IFT172: variants seen among roughly 807,000 people sequenced by gnomAD.
IFT172 encodes the protein intraflagellar transport 172.
IFT172 carries 164 observed loss-of-function variants against 248.9 expected under a neutral mutation model. The observed-to-expected ratio is 0.66, with a 90% CI of 0.58 to 0.75. The LOEUF (loss-of-function observed/expected upper bound fraction) is 0.75, where lower values mean the gene tolerates loss of function less well. IFT172 is among the 30% of genes least tolerant of loss of function. IFT172 has a pLI of 0.00. For missense variants in IFT172, 1,950 were observed against 2,192.4 expected (o/e 0.89, Z 2.21); for synonymous variants, 729 against 791.6 (o/e 0.92, Z 1.33).
chr2:27,483,501 A>G (rs1428961704), intron 6 of IFT172, 79 bp downstream of exon 6: 1 of 1,498,864 alleles, frequency 6.7e-7, no homozygotes, highest in Admixed American at 1.7e-5. Flanking sequence ...CTTTCATACT[A>G]TGGTCTTGCA....
intron 16 of IFT172, among the ~76,000 whole-genome samples, chr2:27,470,628 T>TCTTCTGATAGAA (rs1667491934): frequency 1.3e-5 from 2 of 152,246 alleles, no homozygotes; most frequent in East Asian, 1.9e-4. Flanking sequence ...TAGAAGGAGA[T>TCTTCTGATAGAA]GACATTAGAA....
In IFT172 at chr2:27,453,504, C is replaced by T. The variant is rs1221260807; in HGVS notation, c.3831G>A (p.Glu1277=). Residue 1277 remains glutamate, a synonymous_variant, in exon 35 of 48, where the codon GAG becomes GAA. Coordinates refer to ENST00000260570, the MANE Select transcript of IFT172 (RefSeq NM_015662.3). ...EATKKGARGV[E]GFVEQARHWE... is the part of the protein sequence containing the mutation. ...AGTGTCGAGCTTGTTCCACAAATCC[C>T]TCCACACCCCTGTGGAGATGAGAGC... The T allele has an allele frequency of 6.8e-6, 11 of 1,614,156 alleles. No homozygotes were observed. The highest frequency in any genetic ancestry group is 2.2e-5 in the East Asian group (1 of 44,886).
Position 27,461,330 on chromosome 2 carries a change from G to A in IFT172, c.2381C>T (p.Ala794Val). ...GATGTGTTCTACCAGCTCTGTGTTGGCTAGCAGTTCCTCTCGGGTCAGCAC... is the reference window on the plus strand; with the variant it reads ...GATGTGTTCTACCAGCTCTGTGTTGACTAGCAGTTCCTCTCGGGTCAGCAC... ...RLVLTREELLANTELVEHITA... is the reference protein window; with the variant it reads ...RLVLTREELLVNTELVEHITA... Residue 794 changes from alanine to valine, a missense_variant, in exon 22 of 48, where the codon GCC becomes GTC. Transcript: ENST00000260570. 1.2e-6 allele frequency: 2 copies of A among 1,614,124 alleles called. No individual in the cohort carries two copies.
intron 30 of IFT172, chr2:27,455,150 G>A (rs1273493413): frequency 2.2e-5 from 6 of 274,664 alleles, no homozygotes; most frequent in South Asian, 1.1e-4. Flanking sequence ...TTTCTGCACC[G>A]CCGCAATAGT....
chr2:27,465,564 G>T (rs1480410936), intron 17 of IFT172, 46 bp from the exon 18 acceptor site: 2 of 1,591,644 alleles, frequency 1.3e-6, no homozygotes, highest in Middle Eastern at 1.7e-4. Flanking sequence ...GAATGGGTTA[G>T]GAAGATACAG....
intron 6 of IFT172, 24 bp from the exon 7 acceptor site, chr2:27,483,400 A>G: frequency 6.6e-7 from 1 of 1,510,700 alleles, no homozygotes; most frequent in Non-Finnish European, 9.2e-7. Flanking sequence ...AAGGAGAGAA[A>G]TACAGGAAGA....
Position 27,463,102 on chromosome 2 carries a change from C to T in IFT172, c.2017G>A (p.Glu673Lys). The T allele has an allele frequency of 6.2e-7, 1 of 1,614,010 alleles. No individual in the cohort carries two copies. Among genetic ancestry groups the T allele is most frequent in the Non-Finnish European group, 8.5e-7 (1 of 1,179,932 alleles). ...TNEIADQVSR[E>K]YGGEGTDFYQ... ...ATCAGGAGCATAATACTTGCATATT[C>T]CCGGGATACTTGATCTGCAATCTCA... is the stretch of plus-strand genomic sequence containing the variant. The change falls in exon 19 of 48, where the codon GAA becomes AAA. Residue 673 changes from glutamate to lysine, a missense_variant. By Grantham distance (56) the Glu-to-Lys change is moderately conservative (BLOSUM62 1). This residue lies in a region of IFT172 where 1,166 missense variants were observed against 1,254.1 expected (regional missense o/e 0.93). Coordinates refer to ENST00000260570, the MANE Select transcript of IFT172 (RefSeq NM_015662.3).
At chr2:27,457,031 C>T (rs560231778) in intron 29 of IFT172, among the ~76,000 whole-genome samples, 3 of 151,480 alleles carry the variant, frequency 2.0e-5, no homozygotes, top group Non-Finnish European at 4.4e-5. Context: ...GGTGACAGAG[C>T]GAAACTCCAT....
rs1399361067 is a variant in IFT172, at chr2:27,447,535, C to A, written c.4639G>T (p.Ala1547Ser). 1 of 1,614,122 alleles carries A rather than the reference C, an allele frequency of 6.2e-7. No homozygotes were observed. The highest frequency in any genetic ancestry group is 1.1e-5 in the South Asian group (1 of 91,078). ...CTCACCAGCTGTTTGACACTCTGGG[C>A]TGCAGAGCGCGTGGCATAGTAATGA... ...IAHYYATRSAAQSVKQLETVA... is the reference protein window; with the variant it reads ...IAHYYATRSASQSVKQLETVA... The change falls in exon 42 of 48, where the codon GCC (alanine) becomes TCC (serine). Residue 1547 changes from alanine (A) to serine (S), a missense_variant. By Grantham distance (99) the Ala-to-Ser change is moderately conservative. This residue lies in a region of IFT172 where 620 missense variants were observed against 699.0 expected (regional missense o/e 0.89). Transcript: ENST00000260570.
At chr2:27,448,163 G>C (rs1665335146) in intron 40 of IFT172, among the ~76,000 whole-genome samples, 1 of 152,116 alleles carries the variant, frequency 6.6e-6, no homozygotes, top group Non-Finnish European at 1.5e-5. Context: ...GCAGTAGCAT[G>C]ATCTCGGCTC....
At position 27,472,204 on chromosome 2, in the gene IFT172, C is replaced by T. The variant is rs907005301; in HGVS notation, c.1524+46G>A. 3 of 1,391,754 alleles carry T rather than the reference C, an allele frequency of 2.2e-6. No individual in the cohort carries two copies. In the African/African-American group the frequency reaches 4.2e-5, roughly 20 times the overall value. 86.2% of individuals were successfully genotyped at this position (1,391,754 alleles called of 1,614,324 possible). On this transcript the variant is annotated intron_variant, in intron 15 of 47. Coordinates refer to ENST00000260570, the MANE Select transcript of IFT172 (RefSeq NM_015662.3). The stretch of plus-strand genomic sequence containing the variant: ...TCCCTGGTGGCAGCTTGTCTCACAC[C>T]CTCTGTGGGCCAGCCAATGCCTAAG...
intron 24 of IFT172, 21 bp from the exon 25 acceptor site, chr2:27,459,543 A>G: frequency 6.2e-7 from 1 of 1,613,446 alleles, no homozygotes; most frequent in Non-Finnish European, 8.5e-7. Context: ...TGGGAAAGAT[A>G]TAAATATGTA....
At position 27,470,931 on chromosome 2, in the gene IFT172, A is replaced by C. The variant is rs1667517739; in HGVS notation, c.1689T>G (p.Ile563Met). The stretch of plus-strand genomic sequence containing the variant: ...GGGCCCCTAGTGTCCAACATACCCT[A>C]ATAGTGAACATGGTGACTCTCTCAG... ...EAPERVTMFT[I>M]RGDVIGLERG... The change falls in exon 16 of 48, where the codon ATT (isoleucine) becomes ATG (methionine). Residue 563 changes from isoleucine (I) to methionine (M), a missense_variant. By Grantham distance (10) the Ile-to-Met change is conservative (BLOSUM62 1). Around this residue, in one of 3 missense-constraint regions of IFT172, gnomAD observed 1,166 missense variants for 1,254.1 expected, o/e 0.93. Transcript: ENST00000260570. The C allele has an allele frequency of 6.2e-7, 1 of 1,602,762 alleles. No individual in the cohort carries two copies. The highest frequency in any genetic ancestry group is 8.5e-7 in the Non-Finnish European group (1 of 1,175,990).
chr2:27,450,417 G>T (rs1402392854), intron 35 of IFT172, among the ~76,000 whole-genome samples: 1 of 152,154 alleles, frequency 6.6e-6, no homozygotes, highest in Non-Finnish European at 1.5e-5. Flanking sequence ...CTTCGTAGCA[G>T]AGTACAGAGA....
Position 27,454,203 on chromosome 2 carries a change from C to A in IFT172, c.3531-41G>T, listed in dbSNP as rs554241475. The A allele has an allele frequency of 1.1e-5, 17 of 1,604,188 alleles. No homozygotes were observed. In the South Asian group the frequency reaches 1.4e-4, roughly 14 times the overall value. On this transcript the variant is annotated intron_variant, in intron 32 of 47. Transcript: ENST00000260570. This position sits in a 1 kb window ranked among gnomAD's most constrained non-coding sequence, Gnocchi z 4.2. ...GACAGAGGAGAGACTGAGTATAGGA[C>A]TGAGGCCCCAATAGTGGGAGACAAA... is the stretch of plus-strand genomic sequence containing the variant.
intron 16 of IFT172, among the ~76,000 whole-genome samples, chr2:27,468,848 C>CAAA (rs563611084): frequency 1.7e-5 from 1 of 60,302 alleles, no homozygotes; most frequent in Non-Finnish European, 3.3e-5. Context: ...CACTCCGTCT[C>CAAA]AAAAAAAAAA....
chr2:27,449,543 G>A lies in IFT172; in HGVS notation c.4180C>T (p.Gln1394Ter). The A allele has an allele frequency of 6.2e-7, 1 of 1,614,078 alleles. No individual in the cohort carries two copies. The highest frequency in any genetic ancestry group is 8.5e-7 in the Non-Finnish European group (1 of 1,180,024). Residue 1394 changes from glutamine (Q) to a stop codon, truncating the protein, a stop_gained, in exon 38 of 48, where the codon CAG (glutamine) becomes TAG (stop). Transcript: ENST00000260570. LOFTEE classifies it high-confidence loss of function. ...TTCTTGAGGAACTCTTTATAATGCT[G>A]GTCCACATAGTCTTCATACCTGTGA... ...LDPRYEDYVDQHYKEFLKNQG... is the reference protein window; with the variant it reads ...LDPRYEDYVD
chr2:27,483,770 C>T, intron 5 of IFT172, 102 bp downstream of exon 5: 1 of 1,436,988 alleles, frequency 7.0e-7, no homozygotes, highest in African/African-American at 1.4e-5. Flanking sequence ...GCATTCTCCC[C>T]AGTACGCAAC....
intron 25 of IFT172, 167 bp from the exon 26 acceptor site, chr2:27,459,035 AAAAG>A (rs894627638): frequency 4.1e-6 from 3 of 734,672 alleles, no homozygotes; most frequent in Non-Finnish European, 6.4e-6. Context: ...CTACCATTTA[AAAAG>A]AAAGACCAGC....
Sources: gnomAD v4.1 joint callset for allele counts (sites outside exome capture counted in the v4.1 genomes callset) on GRCh38, gnomAD v4.1.1 for gene constraint, gnomAD v4.1.1 regional missense constraint, Gnocchi (gnomAD v3.1) non-coding constraint, MANE v1.5 for transcripts, NCBI Gene and HGNC (gene_info 2026-07-23, HGNC 2026-07-21) for gene names.